PSMD11: variants seen among roughly 807,000 people sequenced by gnomAD.
PSMD11 encodes the protein proteasome 26S subunit, non-ATPase 11, also known as 26S proteasome non-ATPase regulatory subunit 11.
Under a neutral mutation model 62.3 loss-of-function variants are expected in PSMD11, and 5 were observed. The ratio of observed to expected loss-of-function variants is 0.08; its 90% confidence interval spans 0.04 to 0.17. The LOEUF (loss-of-function observed/expected upper bound fraction) is 0.17, where lower values mean the gene tolerates loss of function less well. PSMD11 is among the 10% of genes least tolerant of loss of function. The probability of loss-of-function intolerance (pLI) is 1.00; values close to 1 mark genes in which losing one functional copy is unlikely to be tolerated. For synonymous variants in PSMD11, 191 were observed against 191.8 expected (o/e 1.00, Z 0.03); for missense variants, 310 against 512.9 (o/e 0.60, Z 3.82).
chr17:32,472,023 G>A (rs1386511504), intron 6 of PSMD11, among the ~76,000 whole-genome samples: 1 of 152,096 alleles, frequency 6.6e-6, no homozygotes, highest in African/African-American at 2.4e-5. Context: ...CTACAGGCAT[G>A]TGCCACCACG....
In PSMD11 at chr17:32,469,212, C is replaced by A. The variant is rs760322130; in HGVS notation, c.643+19C>A. On this transcript the variant is annotated intron_variant, in intron 6 of 13. Transcript: ENST00000261712. Reference sequence around the variant, plus strand: ...CAGTCGGGTAACAGACGTAGCTATTCCTGGGATGTGTTTTCTTAAAGCTCA... The same window carrying A: ...CAGTCGGGTAACAGACGTAGCTATTACTGGGATGTGTTTTCTTAAAGCTCA... 1.7e-5 allele frequency: 28 copies of A among 1,602,292 alleles called. No individual in the cohort carries two copies. Among genetic ancestry groups the A allele is most frequent in the Admixed American group, 3.4e-5 (2 of 59,164 alleles).
chr17:32,458,860 CTT>C (rs1188659310), intron 3 of PSMD11, among the ~76,000 whole-genome samples: 2 of 152,036 alleles, frequency 1.3e-5, no homozygotes, highest in African/African-American at 2.4e-5. Flanking sequence ...TGTTTCAAGT[CTT>C]TGCTCACATC....
At chr17:32,472,710 T>G (rs1211084837) in intron 6 of PSMD11, among the ~76,000 whole-genome samples, 2 of 151,920 alleles carry the variant, frequency 1.3e-5, no homozygotes, top group Non-Finnish European at 2.9e-5. Context: ...GCTGGTTTAG[T>G]ATTTTTAGTA....
intron 3 of PSMD11, among the ~76,000 whole-genome samples, chr17:32,458,779 T>C (rs1481410162): frequency 6.6e-6 from 1 of 152,202 alleles, no homozygotes; most frequent in Non-Finnish European, 1.5e-5. Flanking sequence ...TCAAACTGTC[T>C]GGGGTTGGGA....
chr17:32,457,843 C>T (rs755845755), intron 3 of PSMD11, among the ~76,000 whole-genome samples: 31 of 151,590 alleles, frequency 2.0e-4, no homozygotes, highest in Admixed American at 2.6e-4. Flanking sequence ...CTCTGTCACC[C>T]AGGCTGGAGT....
chr17:32,447,885 CTT>C (rs755811348), intron 2 of PSMD11, among the ~76,000 whole-genome samples: 7 of 141,038 alleles, frequency 5.0e-5, no homozygotes, highest in African/African-American at 5.2e-5. Context: ...TTTTCTTTTT[CTT>C]TTTTTTTTTT....
chr17:32,468,301 C>T (rs982473794), intron 5 of PSMD11, among the ~76,000 whole-genome samples: 5 of 151,780 alleles, frequency 3.3e-5, no homozygotes, highest in Admixed American at 2.0e-4. Context: ...TTTTTTCCTT[C>T]GATGACGTCC....
rs1908275516 is a variant in PSMD11 at position 32,474,966 on chromosome 17, A to G, written c.849+142A>G. The G allele has an allele frequency of 3.8e-6, 3 of 781,954 alleles. No homozygotes were observed. The South Asian group carries it at 4.8e-5, about 13-fold the overall frequency. 48.4% of individuals were successfully genotyped at this position (781,954 alleles called of 1,614,324 possible). On this transcript the variant is annotated intron_variant, in intron 8 of 13. Coordinates refer to ENST00000261712, the MANE Select transcript of PSMD11 (RefSeq NM_002815.4). ...CCACTCACTTCCTTCCCTTAAGCCC[A>G]TTCAGTGTGTTTCCCAGACTGTTAA...
At chr17:32,444,788 A>T in intron 1 of PSMD11, 174 bp downstream of exon 1, 1 of 705,392 alleles carries the variant, frequency 1.4e-6, no homozygotes, top group South Asian at 2.0e-5. Flanking sequence ...CCCAGGTCTC[A>T]CTCTTGTGGG....
At chr17:32,471,743 C>T (rs1908168152) in intron 6 of PSMD11, among the ~76,000 whole-genome samples, 1 of 152,056 alleles carries the variant, frequency 6.6e-6, no homozygotes, top group African/African-American at 2.4e-5. Flanking sequence ...TTTTCAGGTC[C>T]CTTTTAAGTT....
chr17:32,453,760 T>C (rs980466498), intron 2 of PSMD11, among the ~76,000 whole-genome samples: 2 of 152,232 alleles, frequency 1.3e-5, no homozygotes, highest in East Asian at 1.9e-4. Flanking sequence ...ATCTCTAGTT[T>C]ATTGTTTCAA....
intron 5 of PSMD11, among the ~76,000 whole-genome samples, chr17:32,465,879 G>A (rs1329756640): frequency 1.3e-5 from 2 of 152,152 alleles, no homozygotes; most frequent in East Asian, 3.9e-4. Flanking sequence ...TTAGGCTGAG[G>A]CAGAAGAATC....
At chr17:32,480,723 T>G in intron 13 of PSMD11, 30 bp from the exon 14 acceptor site, 1 of 1,403,898 alleles carries the variant, frequency 7.1e-7, no homozygotes, top group South Asian at 1.3e-5. Context: ...CATGGCTTCC[T>G]GATTGACACT....
At chr17:32,447,285 T>G in intron 2 of PSMD11, 1 of 402,748 alleles carries the variant, frequency 2.5e-6, no homozygotes, top group Non-Finnish European at 4.4e-6. Flanking sequence ...ATTTCTGATT[T>G]GTTTCTGGTT....
At chr17:32,475,859 C>T (rs757117115) in intron 8 of PSMD11, among the ~76,000 whole-genome samples, 4 of 151,800 alleles carry the variant, frequency 2.6e-5, no homozygotes, top group Non-Finnish European at 5.9e-5. Flanking sequence ...TCCAAAAGTG[C>T]TGGGATTGTA....
intron 3 of PSMD11, among the ~76,000 whole-genome samples, chr17:32,462,135 T>TC (rs879417446): frequency 6.0e-4 from 92 of 152,180 alleles, no homozygotes; most frequent in Non-Finnish European, 3.2e-4. Context: ...GCCCAGGCAT[T>TC]CTTTTTTTTT....
chr17:32,482,572 G>A lies in PSMD11; in HGVS notation c.*1820G>A, dbSNP rs1908532849. ...AAGTTGGTGTGTGAGTTCTGAGGTTGGAAATGAGTTCAGGTGTCTTCTTCC... is the reference window on the plus strand; with the variant it reads ...AAGTTGGTGTGTGAGTTCTGAGGTTAGAAATGAGTTCAGGTGTCTTCTTCC... On this transcript the variant is annotated 3_prime_UTR_variant, in exon 14 of 14. Coordinates refer to ENST00000261712, the MANE Select transcript of PSMD11 (RefSeq NM_002815.4). 1 of 152,236 alleles carries A rather than the reference G, an allele frequency of 6.6e-6. No individual in the cohort carries two copies. The highest frequency in any genetic ancestry group is 1.5e-5 in the Non-Finnish European group (1 of 68,142). The allele number at this position is 152,236 out of a possible 1,614,324, so 9.4% of individuals were successfully genotyped here. A position where few individuals can be genotyped will look rare whatever the true frequency, so the allele number is the denominator to read the frequency against.
chr17:32,480,953 G>A lies in PSMD11; in HGVS notation c.*201G>A, dbSNP rs1192478259. 4 of 230,030 alleles carry A rather than the reference G, an allele frequency of 1.7e-5. No homozygotes were observed. Among genetic ancestry groups the A allele is most frequent in the Non-Finnish European group, 1.7e-5 (2 of 120,522 alleles). The allele number at this position is 230,030 out of a possible 1,614,324, so 14.2% of individuals were successfully genotyped here. A position where few individuals can be genotyped will look rare whatever the true frequency, so the allele number is the denominator to read the frequency against. ...TTTACTGGCCCAACTTGGGAGTGGG[G>A]AAATTGCTTAAAAAAAAAGAAAAAG... On this transcript the variant is annotated 3_prime_UTR_variant, in exon 14 of 14. Coordinates refer to ENST00000261712, the MANE Select transcript of PSMD11 (RefSeq NM_002815.4).
rs1044714674 is a variant in PSMD11, at chr17:32,483,234, G to T, written c.*2482G>T. 5.3e-5 allele frequency: 8 copies of T among 152,166 alleles called. No homozygotes were observed. The highest frequency in any genetic ancestry group is 4.6e-4 in the Admixed American group (7 of 15,290). The allele number at this position is 152,166 out of a possible 1,614,324, so 9.4% of individuals were successfully genotyped here. ...GCTTAGTATGATAACAAAAGAAAAG[G>T]AGTGTAAAATATGTCAATAACTTTT... On this transcript the variant is annotated 3_prime_UTR_variant, in exon 14 of 14. Coordinates refer to ENST00000261712, the MANE Select transcript of PSMD11 (RefSeq NM_002815.4).
Sources: gnomAD v4.1 joint callset for allele counts (sites outside exome capture counted in the v4.1 genomes callset) on GRCh38, gnomAD v4.1.1 for gene constraint, MANE v1.5 for transcripts, NCBI Gene and HGNC (gene_info 2026-07-23, HGNC 2026-07-21) for gene names.